The following ZBTB20 variants were observed in gnomAD, a reference collection of about 807,000 sequenced individuals.
ZBTB20 encodes the protein zinc finger and BTB domain-containing protein 20.
A neutral mutation model predicts 56.9 loss-of-function variants in ZBTB20; 9 were observed. That is an observed-to-expected ratio of 0.16 (90% CI 0.10 to 0.28). The LOEUF (loss-of-function observed/expected upper bound fraction) is 0.28. Ranked by LOEUF, ZBTB20 falls within the 10% of genes least tolerant of loss-of-function variation. The probability of loss-of-function intolerance (pLI) is 1.00; values close to 1 mark genes in which losing one functional copy is unlikely to be tolerated. For synonymous variants in ZBTB20, 417 were observed against 420.7 expected, an observed-to-expected ratio of 0.99 and a Z score of 0.11; for missense variants, 655 against 1,003.0, an observed-to-expected ratio of 0.65 and a Z score of 4.69.
At chr3:114,558,521 T>C (rs556723118) in intron 6 of ZBTB20, among the ~76,000 whole-genome samples, 2 of 152,194 alleles carry the variant, frequency 1.3e-5, no homozygotes, top group East Asian at 3.9e-4. Context: ...TTCTGTTCTC[T>C]TGGCTGTTCA....
chr3:115,107,477 G>A (rs1355456004), intron 1 of ZBTB20, among the ~76,000 whole-genome samples: 32 of 151,984 alleles, frequency 2.1e-4, no homozygotes, highest in Non-Finnish European at 2.8e-4. Context: ...GTCAGAATGG[G>A]GATTATTAAA....
At chr3:114,978,869 T>C (rs2078214178) in intron 2 of ZBTB20, among the ~76,000 whole-genome samples, 1 of 151,924 alleles carries the variant, frequency 6.6e-6, no homozygotes, top group Admixed American at 6.6e-5. Context: ...ACCTAGTTTA[T>C]GTTTCAGGAA....
intron 2 of ZBTB20, among the ~76,000 whole-genome samples, chr3:115,056,327 A>G (rs1036751468): frequency 6.6e-6 from 1 of 152,128 alleles, no homozygotes; most frequent in Non-Finnish European, 1.5e-5. Flanking sequence ...ATGAGAGGGT[A>G]GAGAAACTAG....
chr3:114,479,390 G>A (rs1471606921), intron 7 of ZBTB20, among the ~76,000 whole-genome samples: 1 of 152,160 alleles, frequency 6.6e-6, no homozygotes, highest in Admixed American at 6.5e-5. Context: ...TACTCTAAAA[G>A]TAGCCAGCAT....
At chr3:115,046,091 A>G (rs967747652) in intron 2 of ZBTB20, among the ~76,000 whole-genome samples, 1 of 152,178 alleles carries the variant, frequency 6.6e-6, no homozygotes, top group African/African-American at 2.4e-5. Context: ...ACATACTTAG[A>G]GGTCACTGGG....
intron 10 of ZBTB20, among the ~76,000 whole-genome samples, chr3:114,372,625 C>T (rs1260150748): frequency 2.0e-5 from 3 of 152,044 alleles, no homozygotes; most frequent in Non-Finnish European, 2.9e-5. Context: ...GCTCAGGATT[C>T]GAGACCAGCC....
intron 8 of ZBTB20, chr3:114,383,617 C>G (rs2084670912): frequency 6.6e-6 from 1 of 152,162 alleles, no homozygotes. Flanking sequence ...TTTACTTACC[C>G]TTATACCACT....
intron 7 of ZBTB20, among the ~76,000 whole-genome samples, chr3:114,400,543 C>T (rs139483198): frequency 1.6e-4 from 24 of 152,278 alleles, no homozygotes; most frequent in Admixed American, 5.2e-4. Flanking sequence ...CCTCTCCTCT[C>T]CCAGCACGCT....
chr3:114,710,083 A>C (rs2063964911), intron 5 of ZBTB20, among the ~76,000 whole-genome samples: 1 of 152,184 alleles, frequency 6.6e-6, no homozygotes, highest in Non-Finnish European at 1.5e-5. Flanking sequence ...ATCAATATGA[A>C]ACAATAATTT....
chr3:114,864,762 GA>G (rs1385946352), intron 4 of ZBTB20, among the ~76,000 whole-genome samples: 1 of 152,036 alleles, frequency 6.6e-6, no homozygotes, highest in Non-Finnish European at 1.5e-5. Context: ...AATTTTAAAA[GA>G]AATTGAGAAG....
chr3:114,494,976 C>T (rs2043123309), intron 7 of ZBTB20, among the ~76,000 whole-genome samples: 1 of 152,140 alleles, frequency 6.6e-6, no homozygotes, highest in Non-Finnish European at 1.5e-5. Context: ...ATCTTTTTTA[C>T]ATTTTAGCCA....
At chr3:114,718,299 T>C (rs1045276681) in intron 5 of ZBTB20, among the ~76,000 whole-genome samples, 5 of 152,152 alleles carry the variant, frequency 3.3e-5, no homozygotes, top group African/African-American at 9.7e-5. Flanking sequence ...GTAACCTGAA[T>C]ATGTTTTCTG....
At chr3:114,829,493 T>A (rs1452230990) in intron 4 of ZBTB20, among the ~76,000 whole-genome samples, 1 of 151,866 alleles carries the variant, frequency 6.6e-6, no homozygotes. Flanking sequence ...AATCTTCATA[T>A]AGGCAAAAGA....
intron 5 of ZBTB20, among the ~76,000 whole-genome samples, chr3:114,778,309 G>A (rs191117955): frequency 1.4e-5 from 2 of 144,242 alleles, no homozygotes; most frequent in Non-Finnish European, 3.0e-5. Flanking sequence ...AGATCACACC[G>A]TTGCACTCCA....
intron 7 of ZBTB20, among the ~76,000 whole-genome samples, chr3:114,411,185 G>T (rs1463216895): frequency 6.6e-6 from 1 of 152,142 alleles, no homozygotes; most frequent in Admixed American, 6.5e-5. Flanking sequence ...GTGCAGAGGA[G>T]GTGCAGGATG....
intron 1 of ZBTB20, among the ~76,000 whole-genome samples, chr3:115,079,628 A>G (rs1035562297): frequency 7.2e-5 from 11 of 152,102 alleles, no homozygotes; most frequent in African/African-American, 2.7e-4. Flanking sequence ...TCCTGACCTC[A>G]AGTGATCCAC....
At chr3:114,714,406 C>T (rs1215711703) in intron 5 of ZBTB20, among the ~76,000 whole-genome samples, 1 of 152,188 alleles carries the variant, frequency 6.6e-6, no homozygotes, top group African/African-American at 2.4e-5. Context: ...CTCCATTAAA[C>T]TGGCTGAAGC....
intron 2 of ZBTB20, among the ~76,000 whole-genome samples, chr3:115,010,712 A>G (rs1215959780): frequency 6.6e-6 from 1 of 151,936 alleles, no homozygotes; most frequent in Non-Finnish European, 1.5e-5. Flanking sequence ...GACTACAATA[A>G]ACACATAACT....
At chr3:114,936,020 T>G (rs2076522592) in intron 3 of ZBTB20, among the ~76,000 whole-genome samples, 1 of 152,294 alleles carries the variant, frequency 6.6e-6, no homozygotes, top group Admixed American at 6.5e-5. Flanking sequence ...ATTAGCTATG[T>G]GTGTTTGGGG....
Sources: allele counts gnomAD v4.1 joint callset (sites outside exome capture counted in the v4.1 genomes callset), GRCh38; gene constraint gnomAD v4.1.1; transcripts MANE v1.5; gene names NCBI Gene and HGNC (gene_info 2026-07-23, HGNC 2026-07-21).